Variants in PIGL observed in about 807,000 individuals in gnomAD.
PIGL encodes the protein phosphatidylinositol glycan anchor biosynthesis class L, also known as N-acetylglucosaminyl-phosphatidylinositol de-N-acetylase.
PIGL carries 22 observed loss-of-function variants against 31.1 expected under a neutral mutation model. That is an observed-to-expected ratio of 0.71 (90% confidence interval 0.51 to 1.01). The LOEUF (loss-of-function observed/expected upper bound fraction) is 1.01. PIGL is among the 50% of genes least tolerant of loss of function. The probability of loss-of-function intolerance (pLI) is 0.00; values close to 1 mark genes in which losing one functional copy is unlikely to be tolerated. For missense variants in PIGL, 302 were observed against 315.9 expected, an observed-to-expected ratio of 0.96 and a Z score of 0.33; for synonymous variants, 131 against 117.4, an observed-to-expected ratio of 1.12 and a Z score of -0.75.
chr17:16,320,534 GAA>G (rs2093100971), intron 6 of PIGL, among the ~76,000 whole-genome samples: 1 of 141,740 alleles, frequency 7.1e-6, no homozygotes, highest in African/African-American at 2.8e-5. Context: ...AAGAAAAGAA[GAA>G]GGAAGGAAGG....
intron 2 of PIGL, among the ~76,000 whole-genome samples, chr17:16,257,889 A>G (rs1568802486): frequency 6.6e-6 from 1 of 151,838 alleles, no homozygotes; most frequent in African/African-American, 2.4e-5. Context: ...ACATGGTGAA[A>G]CCCCATCTCT....
intron 2 of PIGL, among the ~76,000 whole-genome samples, chr17:16,267,272 G>C (rs1237124178): frequency 6.6e-6 from 1 of 152,078 alleles, no homozygotes; most frequent in Non-Finnish European, 1.5e-5. Context: ...AAGTGGAAAT[G>C]GATCATCATG....
At chr17:16,261,923 T>C (rs1016834933) in intron 2 of PIGL, among the ~76,000 whole-genome samples, 1 of 151,580 alleles carries the variant, frequency 6.6e-6, no homozygotes, top group African/African-American at 2.4e-5. Context: ...ATTTAAAAAT[T>C]ATTAAAATTG....
intron 1 of PIGL, among the ~76,000 whole-genome samples, chr17:16,219,859 G>A (rs993243223): frequency 1.3e-5 from 2 of 151,434 alleles, no homozygotes; most frequent in East Asian, 2.0e-4. Context: ...CACCACACCC[G>A]GCTGGCCAGC....
rs766430723 is a variant in PIGL, at chr17:16,299,913, C to T, written c.361C>T (p.Gln121Ter). ...GGATTTCCCAGATGACCCAGGCATG[C>T]AGTGGGACACAGAGCACGTGGCCAG... ...NRDFPDDPGM[Q>*]WDTEHVARVL... The change falls in exon 3 of 7, where the codon CAG becomes TAG. Residue 121 changes from glutamine to a stop codon, truncating the protein, a stop_gained. Coordinates refer to ENST00000225609, the MANE Select transcript of PIGL (RefSeq NM_004278.4). LOFTEE classifies it high-confidence loss of function. 3 of 1,613,630 alleles carry T rather than the reference C, an allele frequency of 1.9e-6. No homozygotes were observed. The highest frequency in any genetic ancestry group is 2.5e-6 in the Non-Finnish European group (3 of 1,179,508).
At chr17:16,252,489 G>A (rs2092776945) in intron 2 of PIGL, among the ~76,000 whole-genome samples, 1 of 151,870 alleles carries the variant, frequency 6.6e-6, no homozygotes, top group Non-Finnish European at 1.5e-5. Context: ...AGCCAGGGAA[G>A]AGAGATAATC....
chr17:16,325,872 A>G lies in PIGL; in HGVS notation c.733A>G (p.Arg245Gly). 1 of 1,613,736 alleles carries G rather than the reference A, an allele frequency of 6.2e-7. No individual in the cohort carries two copies. Among genetic ancestry groups the G allele is most frequent in the South Asian group, 1.1e-5 (1 of 91,076 alleles). ...RLYIIFSRYM[R>G]INSLSFL Reference sequence around the variant, plus strand: ...CTACATTATCTTCTCCCGGTACATGAGAATCAACTCACTGAGCTTCCTCTG... The same window carrying G: ...CTACATTATCTTCTCCCGGTACATGGGAATCAACTCACTGAGCTTCCTCTG... Residue 245 changes from arginine to glycine, a missense_variant, in exon 7 of 7, where the codon AGA becomes GGA. Transcript: ENST00000225609.
chr17:16,244,421 C>T (rs2092735630), intron 2 of PIGL, among the ~76,000 whole-genome samples: 1 of 152,184 alleles, frequency 6.6e-6, no homozygotes, highest in Non-Finnish European at 1.5e-5. Flanking sequence ...CATAATTTTG[C>T]AAAGGCAATT....
At chr17:16,233,809 G>T (rs2092688525) in intron 1 of PIGL, among the ~76,000 whole-genome samples, 162 bp from the exon 2 acceptor site, 1 of 152,124 alleles carries the variant, frequency 6.6e-6, no homozygotes, top group African/African-American at 2.4e-5. Context: ...TCTTCTCACA[G>T]GAGTATCTTG....
intron 2 of PIGL, among the ~76,000 whole-genome samples, chr17:16,267,783 C>T (rs538324671): frequency 3.4e-4 from 52 of 152,216 alleles, no homozygotes; most frequent in Non-Finnish European, 5.6e-4. Flanking sequence ...CTTTCTTTGA[C>T]CCCAAGTTTA....
At chr17:16,223,377 G>A (rs2092637994) in intron 1 of PIGL, among the ~76,000 whole-genome samples, 1 of 151,784 alleles carries the variant, frequency 6.6e-6, no homozygotes, top group African/African-American at 2.4e-5. Flanking sequence ...AGGAGTTCGA[G>A]ACCAGCCTGG....
At chr17:16,274,326 G>A (rs1271948921) in intron 2 of PIGL, among the ~76,000 whole-genome samples, 2 of 152,216 alleles carry the variant, frequency 1.3e-5, no homozygotes, top group South Asian at 4.1e-4. Flanking sequence ...GAAGGCAAGA[G>A]TTCTCTTGCG....
rs767873903 is a variant in PIGL at position 16,317,947 on chromosome 17, C to G, written c.660+39C>G. ...ATTCCTGGACACCCCAACTCAGATCCCTGCCCCAGACCCCTGTCTCCTCAA... is the reference window on the plus strand; with the variant it reads ...ATTCCTGGACACCCCAACTCAGATCGCTGCCCCAGACCCCTGTCTCCTCAA... On this transcript the variant is annotated intron_variant, in intron 6 of 6. Transcript: ENST00000225609. 6 of 1,435,840 alleles carry G rather than the reference C, an allele frequency of 4.2e-6. No individual in the cohort carries two copies. In the South Asian group the frequency reaches 7.0e-5, roughly 17 times the overall value. The allele number at this position is 1,435,840 out of a possible 1,614,324, so 88.9% of individuals were successfully genotyped here.
chr17:16,281,945 C>T (rs1568820032), intron 2 of PIGL: 2 of 439,126 alleles, frequency 4.6e-6, no homozygotes, highest in Non-Finnish European at 9.9e-6. Flanking sequence ...AAGACCCATC[C>T]TCAGACATTC....
chr17:16,274,758 A>G (rs2092887167), intron 2 of PIGL, among the ~76,000 whole-genome samples: 1 of 147,866 alleles, frequency 6.8e-6, no homozygotes. Context: ...TAGGCCGGGC[A>G]CTATGGCTCA....
intron 2 of PIGL, among the ~76,000 whole-genome samples, chr17:16,253,158 G>T (rs192828814): frequency 4.9e-4 from 74 of 152,236 alleles, no homozygotes; most frequent in Non-Finnish European, 9.6e-4. Context: ...GGAGGCTGAG[G>T]CAAGAGAATA....
At chr17:16,255,229 C>T (rs1018938018) in intron 2 of PIGL, among the ~76,000 whole-genome samples, 1 of 152,168 alleles carries the variant, frequency 6.6e-6, no homozygotes, top group Non-Finnish European at 1.5e-5. Context: ...TTTTTTCTCT[C>T]TCTCTTCCTG....
intron 2 of PIGL, among the ~76,000 whole-genome samples, chr17:16,287,587 A>G (rs368830779): frequency 9.9e-5 from 15 of 152,222 alleles, no homozygotes; most frequent in African/African-American, 3.1e-4. Context: ...TCAAAATTCA[A>G]TTCCTCTAAA....
intron 1 of PIGL, among the ~76,000 whole-genome samples, chr17:16,219,127 CGCAATCTCG>C (rs774962958): frequency 9.8e-5 from 14 of 143,156 alleles, no homozygotes; most frequent in Non-Finnish European, 2.1e-4. Context: ...AGTGCAGTGG[CGCAATCTCG>C]GCTCACTGTA....
Sources: gnomAD v4.1 joint callset for allele counts (sites outside exome capture counted in the v4.1 genomes callset) on GRCh38, gnomAD v4.1.1 for gene constraint, MANE v1.5 for transcripts, NCBI Gene and HGNC (gene_info 2026-07-23, HGNC 2026-07-21) for gene names.